Variants in LRP1B observed in about 807,000 individuals in gnomAD.
The protein encoded by LRP1B is low-density lipoprotein receptor-related protein 1B.
A neutral mutation model predicts 556.6 loss-of-function variants in LRP1B; 217 were observed. The ratio of observed to expected loss-of-function variants is 0.39; its 90% CI spans 0.35 to 0.44. LRP1B has a LOEUF of 0.44. Among genes scored for constraint, LRP1B ranks in the 20% least tolerant of loss-of-function variants. The pLI is 1.00. For missense variants in LRP1B, 5,053 were observed against 5,620.8 expected (o/e 0.90, Z 3.23); for synonymous variants, 2,047 against 1,865.8 (o/e 1.10, Z -2.50).
intron 1 of LRP1B, among the ~76,000 whole-genome samples, chr2:141,966,504 C>T (rs895047211): frequency 2.6e-5 from 4 of 151,786 alleles, no homozygotes; most frequent in African/African-American, 9.7e-5. Context: ...CAGGGGCCAG[C>T]CAGCTCCTGC....
At chr2:141,003,167 T>G (rs1307899937) in intron 15 of LRP1B, among the ~76,000 whole-genome samples, 1 of 151,986 alleles carries the variant, frequency 6.6e-6, no homozygotes, top group Non-Finnish European at 1.5e-5. Flanking sequence ...CCTATAACAA[T>G]GCATCATAAA....
chr2:141,034,774 T>C (rs1235064903), intron 11 of LRP1B, among the ~76,000 whole-genome samples: 1 of 148,962 alleles, frequency 6.7e-6, no homozygotes, highest in South Asian at 2.2e-4. Flanking sequence ...GTAAACTAGT[T>C]CAACCATTGT....
intron 14 of LRP1B, among the ~76,000 whole-genome samples, chr2:141,009,617 AAAT>A (rs1276062893): frequency 6.6e-6 from 1 of 151,990 alleles, no homozygotes; most frequent in Non-Finnish European, 1.5e-5. Context: ...TAAACCTATA[AAAT>A]AATGTGATTA....
intron 1 of LRP1B, among the ~76,000 whole-genome samples, chr2:142,033,719 CAAG>C (rs1442421931): frequency 1.3e-5 from 2 of 151,698 alleles, no homozygotes; most frequent in Non-Finnish European, 1.5e-5. Flanking sequence ...TGAGGACACT[CAAG>C]AAGATTTCCC....
rs138025918 is a variant in LRP1B at position 141,439,162 on chromosome 2, A to G, written c.343+41234T>C. 8.8e-3 allele frequency among the ~76,000 whole-genome samples: 1,347 copies of G among 152,254 alleles called. 18 individuals carry two copies. The highest frequency in any genetic ancestry group is 0.031 in the African/African-American group (1,279 of 41,566). On this transcript the variant is annotated intron_variant, in intron 3 of 90. Coordinates refer to ENST00000389484, the MANE Select transcript of LRP1B (RefSeq NM_018557.3). ...ATTGTTTTGCCTTAAGAGCGAAGTG[A>G]ATTTCTTCCTACATCAGCTTCCCTA... is the stretch of plus-strand genomic sequence containing the variant.
intron 79 of LRP1B, among the ~76,000 whole-genome samples, chr2:140,334,204 T>G (rs1680959020): frequency 6.6e-6 from 1 of 151,966 alleles, no homozygotes; most frequent in African/African-American, 2.4e-5. Flanking sequence ...GCCTGTGAAA[T>G]CCGACTAATA....
intron 15 of LRP1B, among the ~76,000 whole-genome samples, chr2:140,996,671 A>T (rs917425075): frequency 2.0e-5 from 3 of 152,038 alleles, no homozygotes; most frequent in Non-Finnish European, 2.9e-5. Flanking sequence ...TGGGGGCTGT[A>T]TAAATCCTTC....
intron 20 of LRP1B, among the ~76,000 whole-genome samples, chr2:140,928,417 C>A (rs1465399444): frequency 6.6e-6 from 1 of 152,068 alleles, no homozygotes; most frequent in African/African-American, 2.4e-5. Flanking sequence ...AGTAGGTGGG[C>A]TATCCCTGTG....
chr2:140,910,211 G>A lies in LRP1B; in HGVS notation c.3320-2134C>T, dbSNP rs748596391. 5.9e-5 allele frequency among the ~76,000 whole-genome samples: 9 copies of A among 151,366 alleles called. No homozygotes were observed. In the East Asian group the frequency reaches 9.7e-4, roughly 16 times the overall value. On this transcript the variant is annotated intron_variant, in intron 21 of 90. Transcript: ENST00000389484. ...AATACTTTTTATAAATATCAATAAA[G>A]ATATTAATAATTAAAGAGCACAGAG...
chr2:141,655,322 G>C (rs891575717), intron 2 of LRP1B, among the ~76,000 whole-genome samples: 1 of 152,116 alleles, frequency 6.6e-6, no homozygotes, highest in Non-Finnish European at 1.5e-5. Flanking sequence ...AGAATAATAA[G>C]GAAGGAGGAG....
At chr2:141,696,948 T>A (rs1691752269) in intron 2 of LRP1B, among the ~76,000 whole-genome samples, 1 of 152,048 alleles carries the variant, frequency 6.6e-6, no homozygotes, top group Non-Finnish European at 1.5e-5. Flanking sequence ...AATACGGTAA[T>A]GTAATAATAA....
intron 1 of LRP1B, among the ~76,000 whole-genome samples, chr2:141,822,648 C>T (rs1696792580): frequency 6.6e-6 from 1 of 151,922 alleles, no homozygotes. Flanking sequence ...CATTAAAGGC[C>T]CTTCAAAGAC....
intron 35 of LRP1B, among the ~76,000 whole-genome samples, chr2:140,730,909 C>T (rs535930319): frequency 3.9e-5 from 6 of 152,174 alleles, no homozygotes; most frequent in African/African-American, 9.6e-5. Flanking sequence ...CTCTTGGAAG[C>T]GACGGACTCA....
intron 1 of LRP1B, among the ~76,000 whole-genome samples, chr2:142,122,385 G>A (rs1316390152): frequency 6.6e-6 from 1 of 151,950 alleles, no homozygotes; most frequent in East Asian, 1.9e-4. Context: ...CAAAGAAGAA[G>A]GTTTAAGTTC....
At chr2:142,102,627 A>C (rs1161376509) in intron 1 of LRP1B, among the ~76,000 whole-genome samples, 1 of 151,940 alleles carries the variant, frequency 6.6e-6, no homozygotes, top group Non-Finnish European at 1.5e-5. Flanking sequence ...GCTACTGAAA[A>C]TAAAAGTTAG....
At chr2:140,384,853 T>C (rs1181420151) in intron 67 of LRP1B, among the ~76,000 whole-genome samples, 1 of 152,206 alleles carries the variant, frequency 6.6e-6, no homozygotes. Context: ...TTCTTGGAAG[T>C]ACCAGATATA....
chr2:140,259,111 C>T (rs1318068767), intron 86 of LRP1B, among the ~76,000 whole-genome samples: 2 of 152,064 alleles, frequency 1.3e-5, no homozygotes, highest in Non-Finnish European at 2.9e-5. Context: ...TTGTCAAATA[C>T]TATTTCACCA....
intron 18 of LRP1B, among the ~76,000 whole-genome samples, chr2:140,953,853 G>T (rs978147331): frequency 6.6e-6 from 1 of 152,092 alleles, no homozygotes; most frequent in Non-Finnish European, 1.5e-5. Flanking sequence ...ACAGGTCTTA[G>T]AATTCATTTC....
chr2:142,034,347 C>T (rs765257123), intron 1 of LRP1B, among the ~76,000 whole-genome samples: 26 of 151,814 alleles, frequency 1.7e-4, no homozygotes, highest in South Asian at 6.2e-4. Flanking sequence ...TGCTTTACCT[C>T]TACACATATT....
Sources: allele counts gnomAD v4.1 joint callset (sites outside exome capture counted in the v4.1 genomes callset), GRCh38; gene constraint gnomAD v4.1.1; transcripts MANE v1.5; gene names NCBI Gene and HGNC (gene_info 2026-07-23, HGNC 2026-07-21).